LAMA3: variants seen among roughly 807,000 people sequenced by gnomAD.
The protein encoded by LAMA3 is laminin subunit alpha 3.
Under a neutral mutation model 402.0 loss-of-function variants are expected in LAMA3, and 281 were observed. That is an observed-to-expected ratio of 0.70 (90% confidence interval 0.63 to 0.77). The LOEUF is 0.77. Ranked by LOEUF, LAMA3 falls within the 30% of genes least tolerant of loss-of-function variation. LAMA3 has a pLI of 0.00. For missense variants in LAMA3, 3,840 were observed against 4,215.5 expected (o/e 0.91, Z 2.47); for synonymous variants, 1,431 against 1,558.4 (o/e 0.92, Z 1.93).
chr18:23,922,594 T>G (rs888218159), intron 62 of LAMA3, among the ~76,000 whole-genome samples: 30 of 152,200 alleles, frequency 2.0e-4, no homozygotes, highest in Admixed American at 1.8e-3. Flanking sequence ...GGAAGGAGCC[T>G]TGCAGATCAT....
intron 9 of LAMA3, among the ~76,000 whole-genome samples, chr18:23,774,129 A>G (rs2062263282): frequency 6.6e-6 from 1 of 152,186 alleles, no homozygotes; most frequent in Non-Finnish European, 1.5e-5. Flanking sequence ...AGGTGGAGGC[A>G]TGAGAATTGC....
intron 2 of LAMA3, among the ~76,000 whole-genome samples, chr18:23,728,380 C>T (rs1221008780): frequency 6.6e-6 from 1 of 152,158 alleles, no homozygotes; most frequent in African/African-American, 2.4e-5. Flanking sequence ...CCATAGGCTG[C>T]AGTATCCCAG....
Position 23,837,019 on chromosome 18 carries a change from G to T in LAMA3, c.3023G>T (p.Arg1008Leu), listed in dbSNP as rs754639677. 2.5e-6 allele frequency: 4 copies of T among 1,613,914 alleles called. No individual in the cohort carries two copies. The highest frequency in any genetic ancestry group is 2.2e-5 in the East Asian group (1 of 44,892). Residue 1008 changes from arginine (R) to leucine (L), a missense_variant, in exon 25 of 75, where the codon CGC (arginine) becomes CTC (leucine). Physicochemically the swap from Arg to Leu is moderately radical, Grantham distance 102 (BLOSUM62 -2). Around this residue, in one of 3 missense-constraint regions of LAMA3, gnomAD observed 2,109 missense variants for 2,376.0 expected, o/e 0.89. Coordinates refer to ENST00000313654, the MANE Select transcript of LAMA3 (RefSeq NM_198129.4). The part of the protein sequence containing the change: ...CRSAVIDHMS[R>L]IAMYELLADA... Reference sequence around the variant, plus strand: ...AGTGCTGTGATTGATCACATGAGCCGCATCGCCATGTATGAGCTATTGGCA... The same window carrying T: ...AGTGCTGTGATTGATCACATGAGCCTCATCGCCATGTATGAGCTATTGGCA...
chr18:23,851,521 A>C (rs1342029094), intron 32 of LAMA3, among the ~76,000 whole-genome samples: 3 of 152,136 alleles, frequency 2.0e-5, no homozygotes, highest in Non-Finnish European at 4.4e-5. Context: ...TAGAGGGTTA[A>C]ATATCCTCTG....
intron 8 of LAMA3, among the ~76,000 whole-genome samples, chr18:23,772,118 T>C (rs1447677425): frequency 1.3e-5 from 2 of 151,446 alleles, no homozygotes; most frequent in African/African-American, 4.9e-5. Flanking sequence ...TTCGGCTCAC[T>C]GCAACCTCTG....
At position 23,916,642 on chromosome 18, in the gene LAMA3, CA is replaced by C; in HGVS notation, c.7871del (p.Gln2624ArgfsTer24). 6.2e-7 allele frequency: 1 copy of C among 1,614,128 alleles called. No homozygotes were observed. Among genetic ancestry groups the C allele is most frequent in the Non-Finnish European group, 8.5e-7 (1 of 1,179,994 alleles). ...ACATGCTCCCATCCCAACCTTTGGA[CA>C]GACAATTCAGACCACCGTGGATAGA... ...QPHAPIPTFG[Q>X]TIQTTVDRGL... On this transcript the variant is annotated frameshift_variant, in exon 60 of 75. Coordinates refer to ENST00000313654, the MANE Select transcript of LAMA3 (RefSeq NM_198129.4). LOFTEE classifies it high-confidence loss of function.
intron 12 of LAMA3, among the ~76,000 whole-genome samples, chr18:23,805,278 A>G (rs1454583413): frequency 1.3e-5 from 2 of 152,218 alleles, no homozygotes; most frequent in East Asian, 1.9e-4. Context: ...ATTATCCAGG[A>G]TACATCTATG....
At chr18:23,920,897 C>A in intron 60 of LAMA3, 38 bp from the exon 61 acceptor site, 1 of 1,612,656 alleles carries the variant, frequency 6.2e-7, no homozygotes, top group South Asian at 1.1e-5. Context: ...CTTCTTCAGC[C>A]AAGCCTTCTG....
At chr18:23,871,406 C>T in intron 37 of LAMA3, 25 bp from the exon 38 acceptor site, 1 of 1,606,374 alleles carries the variant, frequency 6.2e-7, no homozygotes, top group Non-Finnish European at 8.5e-7. Context: ...TAAGGAAGAC[C>T]CTGACTTTCT....
chr18:23,755,872 C>T (rs1385492263), intron 6 of LAMA3, among the ~76,000 whole-genome samples: 1 of 152,212 alleles, frequency 6.6e-6, no homozygotes, highest in Non-Finnish European at 1.5e-5. Flanking sequence ...AACATATTTA[C>T]AGCAGGTGTA....
At position 23,744,228 on chromosome 18, in the gene LAMA3, T is replaced by C. The variant is rs113943445; in HGVS notation, c.448-3715T>C. On this transcript the variant is annotated intron_variant, in intron 2 of 74. Coordinates refer to ENST00000313654, the MANE Select transcript of LAMA3 (RefSeq NM_198129.4). Reference sequence around the variant, plus strand: ...GAGACCTTGGCAAGATTCCAGGGCATGTTACACAGCAGGGGTGGTGATAAA... The same window carrying C: ...GAGACCTTGGCAAGATTCCAGGGCACGTTACACAGCAGGGGTGGTGATAAA... Among the ~76,000 whole-genome samples the C allele has an allele frequency of 6.5e-3, 994 of 152,300 alleles. 12 individuals are homozygous for C. The highest frequency in any genetic ancestry group is 0.023 in the African/African-American group (941 of 41,560).
chr18:23,922,066 G>T (rs1187725267), intron 62 of LAMA3, among the ~76,000 whole-genome samples: 1 of 152,198 alleles, frequency 6.6e-6, no homozygotes, highest in Non-Finnish European at 1.5e-5. Flanking sequence ...GCGTGGAATT[G>T]TTACGTAACT....
intron 7 of LAMA3, among the ~76,000 whole-genome samples, chr18:23,758,791 T>C (rs2061907857): frequency 6.6e-6 from 1 of 152,216 alleles, no homozygotes; most frequent in African/African-American, 2.4e-5. Flanking sequence ...ATCATAAATA[T>C]GATGCAACCA....
intron 11 of LAMA3, among the ~76,000 whole-genome samples, chr18:23,779,279 GGAGAAGAGAA>G (rs147832351): frequency 6.6e-6 from 1 of 151,690 alleles, no homozygotes; most frequent in East Asian, 2.0e-4. Context: ...GAAAATCTCA[GGAGAAGAGAA>G]GAGAAGAGAA....
intron 60 of LAMA3, among the ~76,000 whole-genome samples, chr18:23,919,809 G>A (rs534857515): frequency 1.3e-5 from 2 of 151,848 alleles, no homozygotes; most frequent in East Asian, 2.0e-4. Context: ...CCTGACAGCC[G>A]AGGAGAGTCA....
intron 12 of LAMA3, among the ~76,000 whole-genome samples, chr18:23,798,830 G>A (rs780594820): frequency 2.6e-5 from 4 of 152,168 alleles, no homozygotes; most frequent in Admixed American, 1.3e-4. Flanking sequence ...AAGATCATGG[G>A]CAATAAGAGC....
In LAMA3 at chr18:23,950,111, C is replaced by G. The variant is rs879842580; in HGVS notation, c.9594C>G (p.Ile3198Met). 4 of 1,614,054 alleles carry G rather than the reference C, an allele frequency of 2.5e-6. No homozygotes were observed. The highest frequency in any genetic ancestry group is 3.4e-6 in the Non-Finnish European group (4 of 1,180,022). Residue 3198 changes from isoleucine to methionine, a missense_variant, in exon 72 of 75, where the codon ATC (isoleucine) becomes ATG (methionine). Physicochemically the swap from Ile to Met is conservative, Grantham distance 10. Around this residue, in one of 3 missense-constraint regions of LAMA3, gnomAD observed 840 missense variants for 981.9 expected, o/e 0.86. Coordinates refer to ENST00000313654, the MANE Select transcript of LAMA3 (RefSeq NM_198129.4). ...PRSLTGILIH[I>M]GSQPGKHLCV... ...GTCTCACTGGGATCCTAATACACAT[C>G]GGAAGTCAGCCCGGGAAGCACTTAT...
Position 23,939,159 on chromosome 18 carries a change from A to G in LAMA3, c.8863-64A>G, listed in dbSNP as rs940981787. ...ATCAAGGGTGAAAATTAAGCAATGT[A>G]CTTAGCAAGATAAGCATTCTTCACT... is the stretch of plus-strand genomic sequence containing the variant. On this transcript the variant is annotated intron_variant, in intron 67 of 74. Coordinates refer to ENST00000313654, the MANE Select transcript of LAMA3 (RefSeq NM_198129.4). The G allele has an allele frequency of 1.4e-5, 21 of 1,514,044 alleles. No homozygotes were observed. In the Admixed American group the frequency reaches 3.2e-4, roughly 23 times the overall value. The allele number at this position is 1,514,044 out of a possible 1,614,324, so 93.8% of individuals were successfully genotyped here.
Position 23,933,861 on chromosome 18 carries a change from A to T in LAMA3, c.8788A>T (p.Asn2930Tyr). The T allele has an allele frequency of 1.2e-6, 2 of 1,614,152 alleles. No homozygotes were observed. The highest frequency in any genetic ancestry group is 1.7e-6 in the Non-Finnish European group (2 of 1,179,992). Residue 2930 changes from asparagine to tyrosine, a missense_variant, in exon 67 of 75, where the codon AAC (asparagine) becomes TAC (tyrosine). Transcript: ENST00000313654. The part of the protein sequence containing the change: ...RDVSLGGCSL[N>Y]KPPFLMLLKG... ...TGTGTCCCTGGGAGGCTGCAGTTTAAACAAACCACCTTTTCTAATGTTGCT... is the reference window on the plus strand; with the variant it reads ...TGTGTCCCTGGGAGGCTGCAGTTTATACAAACCACCTTTTCTAATGTTGCT...
Sources: allele counts gnomAD v4.1 joint callset (sites outside exome capture counted in the v4.1 genomes callset), GRCh38; gene constraint gnomAD v4.1.1; regional missense constraint gnomAD v4.1.1; transcripts MANE v1.5; gene names NCBI Gene and HGNC (gene_info 2026-07-23, HGNC 2026-07-21).